FANCL: variants seen among roughly 807,000 people sequenced by gnomAD.
FANCL encodes E3 ubiquitin-protein ligase FANCL.
Under a neutral mutation model 59.4 loss-of-function variants are expected in FANCL, and 69 were observed. The ratio of observed to expected loss-of-function variants is 1.16; its 90% CI spans 0.96 to 1.42. The LOEUF is 1.42. FANCL is among the 40% of genes most tolerant of loss of function. FANCL has a pLI of 0.00. For synonymous variants in FANCL, 180 were observed against 147.1 expected (o/e 1.22, Z -1.62); for missense variants, 519 against 447.2 (o/e 1.16, Z -1.45).
chr2:58,193,986 T>C lies in FANCL; in HGVS notation c.540+4608A>G, dbSNP rs541133676. ...TACTGCTCTAACTAATGGATAATGC[T>C]CCCTGCTATGTAATAGGACTGACTC... On this transcript the variant is annotated intron_variant, in intron 7 of 13. Transcript: ENST00000233741. 1.1e-4 allele frequency among the ~76,000 whole-genome samples: 16 copies of C among 152,298 alleles called. No individual in the cohort carries two copies. In the East Asian group the frequency reaches 2.9e-3, roughly 28 times the overall value.
At chr2:58,234,858 T>C (rs892244900) in intron 1 of FANCL, among the ~76,000 whole-genome samples, 1 of 152,044 alleles carries the variant, frequency 6.6e-6, no homozygotes, top group African/African-American at 2.4e-5. Context: ...TTCTAGCTAT[T>C]ATGGAGTTAA....
intron 7 of FANCL, among the ~76,000 whole-genome samples, chr2:58,169,025 C>T (rs1686253603): frequency 6.6e-6 from 1 of 152,174 alleles, no homozygotes; most frequent in African/African-American, 2.4e-5. Flanking sequence ...GGCACAGCTT[C>T]AGCAGACTTA....
Position 58,204,166 on chromosome 2 carries a change from A to G in FANCL, c.435T>C (p.Gly145=). The G allele has an allele frequency of 1.2e-6, 2 of 1,613,292 alleles. No homozygotes were observed. The highest frequency in any genetic ancestry group is 8.5e-7 in the Non-Finnish European group (1 of 1,179,378). Residue 145 remains glycine, a synonymous_variant, in exon 6 of 14, where the codon GGT becomes GGC. Transcript: ENST00000233741. ...TIKLKAEDAS[G]REHLITLKLK... ...ACTTGAGAGTGATTAAATGCTCTCTACCAGAAGCATCTTCTGCTTTTAACT... is the reference window on the plus strand; with the variant it reads ...ACTTGAGAGTGATTAAATGCTCTCTGCCAGAAGCATCTTCTGCTTTTAACT...
Position 58,198,607 on chromosome 2 carries a change from G to T in FANCL, c.527C>A (p.Ser176Tyr). Reference sequence around the variant, plus strand: ...AGGAGAATTTACCTGAGGTGTCCAGGAGGCACAAAATGGAACAGGAAAATC... The same window carrying T: ...AGGAGAATTTACCTGAGGTGTCCAGTAGGCACAAAATGGAACAGGAAAATC... Reference protein sequence around the residue: ...FVDFPVPFCASWTPQSSLISI... With the variant: ...FVDFPVPFCAYWTPQSSLISI... Residue 176 changes from serine (S) to tyrosine (Y), a missense_variant, in exon 7 of 14, where the codon TCC becomes TAC. By Grantham distance (144) the Ser-to-Tyr change is moderately radical. Transcript: ENST00000233741. The T allele has an allele frequency of 6.2e-7, 1 of 1,613,704 alleles. No individual in the cohort carries two copies. The highest frequency in any genetic ancestry group is 8.5e-7 in the Non-Finnish European group (1 of 1,179,710).
Position 58,232,075 on chromosome 2 carries a change from T to A in FANCL, c.134A>T (p.Asp45Val), listed in dbSNP as rs1573820532. The change falls in exon 2 of 14, where the codon GAT becomes GTT. Residue 45 changes from aspartate to valine, a missense_variant. Asp to Val is a radical substitution (Grantham distance 152). Coordinates refer to ENST00000233741, the MANE Select transcript of FANCL (RefSeq NM_018062.4). ...DFHLRIVLPE[D>V]LQLKNARLLC... ...TCACCTTGCATTCTTCAGTTGTAAATCTTCAGGCAACACTATCCTAAGGTG... is the reference window on the plus strand; with the variant it reads ...TCACCTTGCATTCTTCAGTTGTAAAACTTCAGGCAACACTATCCTAAGGTG... 7 of 1,613,400 alleles carry A rather than the reference T, an allele frequency of 4.3e-6. No homozygotes were observed. The highest frequency in any genetic ancestry group is 5.9e-6 in the Non-Finnish European group (7 of 1,179,546).
intron 11 of FANCL, among the ~76,000 whole-genome samples, 153 bp downstream of exon 11, chr2:58,162,713 C>G (rs1367815108): frequency 6.6e-6 from 1 of 151,818 alleles, no homozygotes; most frequent in East Asian, 1.9e-4. Context: ...AACAACCAAT[C>G]AAAGGTAAAC....
At chr2:58,198,900 G>T (rs1689709676) in intron 6 of FANCL, among the ~76,000 whole-genome samples, 2 of 151,852 alleles carry the variant, frequency 1.3e-5, no homozygotes, top group South Asian at 4.2e-4. Context: ...ATTGTGGTGG[G>T]CGCCTGTAGT....
chr2:58,209,745 C>A (rs565114856), intron 5 of FANCL, among the ~76,000 whole-genome samples: 3 of 152,158 alleles, frequency 2.0e-5, no homozygotes, highest in Admixed American at 6.5e-5. Flanking sequence ...ATTAAGTTTG[C>A]CCAAGATCAC....
Position 58,163,093 on chromosome 2 carries a change from A to C in FANCL, c.776-19T>G, listed in dbSNP as rs758712673. The C allele has an allele frequency of 1.2e-6, 2 of 1,604,068 alleles. No homozygotes were observed. The highest frequency in any genetic ancestry group is 2.2e-5 in the South Asian group (2 of 90,316). ...TTTACCACTTCAGATTAAAAAAAAA[A>C]AATTTAATAATTGCATGCTCTACTC... is the stretch of plus-strand genomic sequence containing the variant. On this transcript the variant is annotated intron_variant, in intron 9 of 13. Transcript: ENST00000233741.
At chr2:58,218,590 A>T (rs1692079770) in intron 5 of FANCL, among the ~76,000 whole-genome samples, 1 of 151,888 alleles carries the variant, frequency 6.6e-6, no homozygotes, top group Non-Finnish European at 1.5e-5. Context: ...TAACCTAAGT[A>T]ACTGAAAATG....
chr2:58,160,762 TTTTA>T (rs576803073), intron 12 of FANCL, among the ~76,000 whole-genome samples: 28 of 152,176 alleles, frequency 1.8e-4, no homozygotes, highest in Middle Eastern at 6.8e-3. Flanking sequence ...AATTTCATGA[TTTTA>T]TATAAGGTAA....
Position 58,182,683 on chromosome 2 carries a change from CACTT to C in FANCL, c.540+15907_540+15910del, listed in dbSNP as rs200106687. On this transcript the variant is annotated intron_variant, in intron 7 of 13. Coordinates refer to ENST00000233741, the MANE Select transcript of FANCL (RefSeq NM_018062.4). ...GTCAAGCACTGAAGAATGCAATCCT[CACTT>C]ACATCACATCAGGTTATACAAAATT... 6.2e-3 allele frequency among the ~76,000 whole-genome samples: 934 copies of C among 151,836 alleles called. 14 individuals carry two copies. The highest frequency in any genetic ancestry group is 0.021 in the African/African-American group (887 of 41,480).
chr2:58,171,624 A>G (rs1329762224), intron 7 of FANCL, among the ~76,000 whole-genome samples: 5 of 152,172 alleles, frequency 3.3e-5, no homozygotes, highest in Admixed American at 1.3e-4. Context: ...AGGGGATTGG[A>G]GCCAAGATGG....
chr2:58,198,268 A>G (rs1309081030), intron 7 of FANCL, among the ~76,000 whole-genome samples: 7 of 152,214 alleles, frequency 4.6e-5, no homozygotes, highest in Admixed American at 3.9e-4. Flanking sequence ...AGTTGGCCCT[A>G]CCCACGGATT....
intron 9 of FANCL, 94 bp downstream of exon 9, chr2:58,163,340 A>G: frequency 1.1e-6 from 1 of 912,296 alleles, no homozygotes; most frequent in Non-Finnish European, 1.8e-6. Context: ...AATAAAAACT[A>G]CCATTAATAT....
Position 58,218,130 on chromosome 2 carries a change from A to G in FANCL, c.374+3812T>C, listed in dbSNP as rs373161108. Among the ~76,000 whole-genome samples, 80 of 152,220 alleles carry G rather than the reference A, an allele frequency of 5.3e-4. No individual in the cohort carries two copies. In the South Asian group the frequency reaches 0.016, roughly 31 times the overall value. Reference sequence around the variant, plus strand: ...AAATTAATATTTTTAACTGATAGTAATAGAAATATAACATCAAAACTTACG... The same window carrying G: ...AAATTAATATTTTTAACTGATAGTAGTAGAAATATAACATCAAAACTTACG... On this transcript the variant is annotated intron_variant, in intron 5 of 13. Transcript: ENST00000233741.
intron 7 of FANCL, among the ~76,000 whole-genome samples, chr2:58,197,222 T>C (rs1689522970): frequency 6.6e-6 from 1 of 151,654 alleles, no homozygotes. Context: ...ATAATTAAAA[T>C]GGCATTTTGG....
At chr2:58,164,835 A>C (rs1037528215) in intron 8 of FANCL, among the ~76,000 whole-genome samples, 1 of 152,074 alleles carries the variant, frequency 6.6e-6, no homozygotes, top group Non-Finnish European at 1.5e-5. Context: ...TGAAACCAGG[A>C]AAGTACCAAT....
chr2:58,241,149 C>T (rs1694505958), intron 1 of FANCL, 69 bp downstream of exon 1: 1 of 1,552,170 alleles, frequency 6.4e-7, no homozygotes, highest in African/African-American at 1.4e-5. Context: ...CCTAGCCCGT[C>T]ACAGACTTCT....
Sources: allele counts gnomAD v4.1 joint callset (sites outside exome capture counted in the v4.1 genomes callset), GRCh38; gene constraint gnomAD v4.1.1; transcripts MANE v1.5; gene names NCBI Gene and HGNC (gene_info 2026-07-23, HGNC 2026-07-21).